The following PLPP1 variants were observed in gnomAD, a reference collection of about 807,000 sequenced individuals.
PLPP1 encodes lipid phosphate phosphohydrolase 1a.
Under a neutral mutation model 31.2 loss-of-function variants are expected in PLPP1, and 24 were observed. The observed-to-expected ratio is 0.77, with a 90% CI of 0.56 to 1.08. The LOEUF (loss-of-function observed/expected upper bound fraction) is 1.08. PLPP1 is among the 50% of genes least tolerant of loss of function. The pLI is 0.00. For missense variants in PLPP1, 319 were observed against 342.7 expected (o/e 0.93, Z 0.55); for synonymous variants, 146 against 126.3 (o/e 1.16, Z -1.05).
At chr5:55,486,837 C>T (rs185873310) in intron 1 of PLPP1, among the ~76,000 whole-genome samples, 365 of 151,986 alleles carry the variant, frequency 2.4e-3, no homozygotes, top group African/African-American at 8.4e-3. Flanking sequence ...CGCTTGAACC[C>T]GGGAGGTGGA....
intron 4 of PLPP1, among the ~76,000 whole-genome samples, chr5:55,440,157 G>T (rs981571384): frequency 6.6e-6 from 1 of 152,186 alleles, no homozygotes; most frequent in East Asian, 1.9e-4. Flanking sequence ...CAGATTTCTA[G>T]ATTTCTCATA....
At chr5:55,500,670 TCTAA>T (rs1753121811) in intron 1 of PLPP1, among the ~76,000 whole-genome samples, 1 of 152,098 alleles carries the variant, frequency 6.6e-6, no homozygotes, top group Admixed American at 6.6e-5. Flanking sequence ...CAATCTGTAC[TCTAA>T]CTGAGGGGGC....
At chr5:55,458,887 CAAAAAAAAAAAAAAA>C (rs529067608) in intron 3 of PLPP1, among the ~76,000 whole-genome samples, 7 of 21,112 alleles carry the variant, frequency 3.3e-4, no homozygotes, top group Non-Finnish European at 4.3e-4. Flanking sequence ...ACCCTGTCTC[CAAAAAAAAAAAAAAA>C]AAAAAAAAAA....
intron 3 of PLPP1, among the ~76,000 whole-genome samples, chr5:55,445,016 C>T (rs1751727161): frequency 6.6e-6 from 1 of 152,168 alleles, no homozygotes; most frequent in South Asian, 2.1e-4. Flanking sequence ...TCCCAAAGTA[C>T]TGGGATTACA....
At chr5:55,509,100 C>A (rs1016979451) in intron 1 of PLPP1, among the ~76,000 whole-genome samples, 1 of 152,030 alleles carries the variant, frequency 6.6e-6, no homozygotes, top group Non-Finnish European at 1.5e-5. Flanking sequence ...GAATGAGTAA[C>A]AAAGAGAAAT....
intron 1 of PLPP1, among the ~76,000 whole-genome samples, chr5:55,533,525 A>T (rs899517898): frequency 6.6e-6 from 1 of 152,216 alleles, no homozygotes; most frequent in African/African-American, 2.4e-5. Flanking sequence ...ACTAGGAACT[A>T]CTGGATTAAA....
At chr5:55,486,124 G>T (rs1752770055) in intron 1 of PLPP1, among the ~76,000 whole-genome samples, 1 of 152,080 alleles carries the variant, frequency 6.6e-6, no homozygotes, top group African/African-American at 2.4e-5. Flanking sequence ...TGTTCTCAGT[G>T]TTGCTTTAAT....
intron 1 of PLPP1, among the ~76,000 whole-genome samples, chr5:55,527,525 G>A (rs1740502306): frequency 6.6e-6 from 1 of 152,188 alleles, no homozygotes; most frequent in Admixed American, 6.5e-5. Context: ...ACTGTAATTG[G>A]TGTTTAATGC....
intron 1 of PLPP1, among the ~76,000 whole-genome samples, chr5:55,493,572 G>A (rs1319124655): frequency 6.6e-6 from 1 of 151,922 alleles, no homozygotes; most frequent in African/African-American, 2.4e-5. Flanking sequence ...GCAAGACCCT[G>A]TCTCTAAAAA....
At chr5:55,447,075 A>G (rs1229330886) in intron 3 of PLPP1, among the ~76,000 whole-genome samples, 1 of 152,274 alleles carries the variant, frequency 6.6e-6, no homozygotes, top group Non-Finnish European at 1.5e-5. Flanking sequence ...ATGTGTATAT[A>G]TAATTTAAGA....
intron 1 of PLPP1, among the ~76,000 whole-genome samples, chr5:55,480,349 G>A (rs1752644401): frequency 6.6e-6 from 1 of 151,008 alleles, no homozygotes; most frequent in Non-Finnish European, 1.5e-5. Context: ...ATAATTCAAT[G>A]GTTTTGGTAA....
At chr5:55,494,214 AAC>A (rs1228596399) in intron 1 of PLPP1, among the ~76,000 whole-genome samples, 2 of 152,160 alleles carry the variant, frequency 1.3e-5, no homozygotes, top group Non-Finnish European at 2.9e-5. Context: ...AGCAAGAAGA[AAC>A]ACAAATATTT....
intron 1 of PLPP1, among the ~76,000 whole-genome samples, chr5:55,504,594 T>C (rs1351226650): frequency 6.6e-6 from 1 of 150,844 alleles, no homozygotes; most frequent in Non-Finnish European, 1.5e-5. Context: ...AAAATTTTTG[T>C]TGCCATGCAG....
intron 1 of PLPP1, among the ~76,000 whole-genome samples, chr5:55,497,956 A>G (rs945266043): frequency 2.1e-4 from 32 of 152,126 alleles, no homozygotes; most frequent in East Asian, 1.3e-3. Flanking sequence ...AGCCAGTCTC[A>G]GGCTCCTGAG....
intron 1 of PLPP1, among the ~76,000 whole-genome samples, chr5:55,526,650 A>G (rs1174687824): frequency 6.6e-6 from 1 of 152,096 alleles, no homozygotes; most frequent in Non-Finnish European, 1.5e-5. Context: ...TAAATAGAAG[A>G]GGCCAGGCAC....
intron 1 of PLPP1, among the ~76,000 whole-genome samples, chr5:55,503,531 T>C (rs777072066): frequency 6.6e-6 from 1 of 151,930 alleles, no homozygotes; most frequent in African/African-American, 2.4e-5. Flanking sequence ...ATCTCAGCAC[T>C]TTGGGAGGCC....
intron 1 of PLPP1, among the ~76,000 whole-genome samples, chr5:55,533,690 CTTTGTT>C (rs1740765920): frequency 6.6e-6 from 1 of 152,272 alleles, no homozygotes; most frequent in East Asian, 1.9e-4. Context: ...GCAGCTCTTG[CTTTGTT>C]TTTGTTTATT....
intron 3 of PLPP1, among the ~76,000 whole-genome samples, chr5:55,463,429 A>G (rs1752212903): frequency 6.6e-6 from 1 of 152,168 alleles, no homozygotes; most frequent in African/African-American, 2.4e-5. Flanking sequence ...TGGGAGGCTG[A>G]GGCGAGTAGA....
chr5:55,457,290 C>T (rs181048510), intron 3 of PLPP1, among the ~76,000 whole-genome samples: 3 of 152,098 alleles, frequency 2.0e-5, no homozygotes, highest in East Asian at 1.9e-4. Context: ...GGACTGTAAG[C>T]GGACACTTGC....
Sources: allele counts gnomAD v4.1 joint callset (sites outside exome capture counted in the v4.1 genomes callset), GRCh38; gene constraint gnomAD v4.1.1; transcripts MANE v1.5; gene names NCBI Gene and HGNC (gene_info 2026-07-23, HGNC 2026-07-21).